The following CR1 variants were observed in gnomAD, a reference collection of about 807,000 sequenced individuals.
CR1 encodes complement receptor type 1.
CR1 carries 116 observed loss-of-function variants against 187.3 expected under a neutral mutation model. That is an observed-to-expected ratio of 0.62 (90% CI 0.53 to 0.72). CR1 has a LOEUF of 0.72. Ranked by LOEUF, CR1 falls within the 30% of genes least tolerant of loss-of-function variation. The pLI, the probability that CR1 is intolerant of heterozygous loss-of-function variation, is 0.00. For synonymous variants in CR1, 576 were observed against 747.1 expected, an observed-to-expected ratio of 0.77 and a Z score of 3.73; for missense variants, 1,731 against 2,110.7, an observed-to-expected ratio of 0.82 and a Z score of 3.52.
chr1:207,619,337 C>T (rs1279849748), intron 42 of CR1, among the ~76,000 whole-genome samples: 1 of 140,380 alleles, frequency 7.1e-6, no homozygotes, highest in African/African-American at 2.7e-5. Context: ...GAGCCCAGAT[C>T]GCGCCACTGC....
intron 40 of CR1, 89 bp from the exon 41 acceptor site, chr1:207,616,486 C>T (rs1365036834): frequency 7.0e-7 from 1 of 1,424,990 alleles, no homozygotes; most frequent in Non-Finnish European, 9.6e-7. Flanking sequence ...AAGTTATATT[C>T]TTTTTAAGCG....
chr1:207,618,485 C>G (rs1662214213), intron 42 of CR1, among the ~76,000 whole-genome samples: 1 of 152,208 alleles, frequency 6.6e-6, no homozygotes, highest in Non-Finnish European at 1.5e-5. Flanking sequence ...TAAAAAGATT[C>G]TCAAACTCCA....
In CR1 at chr1:207,598,278, T is replaced by A. The variant is rs184246746; in HGVS notation, c.5811-8973T>A. 2.2e-3 allele frequency among the ~76,000 whole-genome samples: 340 copies of A among 152,054 alleles called. 1 individual carries two copies. The highest frequency in any genetic ancestry group is 7.8e-3 in the African/African-American group (324 of 41,502). Reference sequence around the variant, plus strand: ...TTTAAAACAATAAGAAAGAAAAAAATTTTTAAATATATCATGTGATATTAG... The same window carrying A: ...TTTAAAACAATAAGAAAGAAAAAAAATTTTAAATATATCATGTGATATTAG... On this transcript the variant is annotated intron_variant, in intron 35 of 46. Coordinates refer to ENST00000367049, the MANE Select transcript of CR1 (RefSeq NM_000651.6).
At chr1:207,607,113 T>A (rs1161967270) in intron 35 of CR1, 138 bp from the exon 36 acceptor site, 3 of 576,836 alleles carry the variant, frequency 5.2e-6, no homozygotes, top group Non-Finnish European at 6.3e-6. Flanking sequence ...CAGATGGAGA[T>A]GGGGTTTCTT....
intron 42 of CR1, among the ~76,000 whole-genome samples, chr1:207,619,327 G>A (rs532614323): frequency 6.3e-5 from 9 of 143,854 alleles, no homozygotes; most frequent in Non-Finnish European, 1.3e-4. Context: ...AGGTTGCTGT[G>A]AGCCCAGATC....
At chr1:207,500,387 A>C (rs1185348225) in intron 1 of CR1, among the ~76,000 whole-genome samples, 1 of 152,214 alleles carries the variant, frequency 6.6e-6, no homozygotes, top group African/African-American at 2.4e-5. Flanking sequence ...TATTCCTTAA[A>C]GGGTAAGTAT....
Position 207,612,047 on chromosome 1 carries a change from T to C in CR1, c.6575+6T>C, listed in dbSNP as rs1179183686. 6.2e-7 allele frequency: 1 copy of C among 1,613,416 alleles called. No homozygotes were observed. The highest frequency in any genetic ancestry group is 1.7e-5 in the Admixed American group (1 of 60,010). ...TCCTTTGTTTGCGATGAAGGGTGAG[T>C]GTGACCCAGCGTTGAGACCAAGGAC... On this transcript the variant is annotated splice_donor_region_variant and intron_variant, in intron 39 of 46. Coordinates refer to ENST00000367049, the MANE Select transcript of CR1 (RefSeq NM_000651.6).
At chr1:207,581,069 AT>A (rs1660920887) in intron 31 of CR1, among the ~76,000 whole-genome samples, 1 of 152,210 alleles carries the variant, frequency 6.6e-6, no homozygotes, top group South Asian at 2.1e-4. Context: ...AGGAAAAACA[AT>A]GGCCGAAATA....
chr1:207,505,230 T>C (rs746121378), intron 1 of CR1, among the ~76,000 whole-genome samples: 3 of 152,208 alleles, frequency 2.0e-5, no homozygotes, highest in Non-Finnish European at 4.4e-5. Context: ...CTTGGCTCAC[T>C]GCAACATCTG....
chr1:207,513,944 G>C (rs1161972840), intron 4 of CR1, among the ~76,000 whole-genome samples: 10 of 152,016 alleles, frequency 6.6e-5, no homozygotes, highest in Non-Finnish European at 1.5e-4. Context: ...TCACCATTAA[G>C]CTGGTGTTTA....
At chr1:207,512,841 G>A (rs1294803244) in intron 4 of CR1, among the ~76,000 whole-genome samples, 1 of 152,124 alleles carries the variant, frequency 6.6e-6, no homozygotes, top group Non-Finnish European at 1.5e-5. Context: ...ACCTATACCT[G>A]TATTTATTTT....
chr1:207,627,747 A>G (rs1212519059), intron 45 of CR1, among the ~76,000 whole-genome samples: 1 of 152,222 alleles, frequency 6.6e-6, no homozygotes, highest in African/African-American at 2.4e-5. Flanking sequence ...CATGTCCCTA[A>G]AAAACATTAT....
At chr1:207,614,520 G>T in intron 40 of CR1, 31 bp downstream of exon 40, 2 of 1,580,954 alleles carry the variant, frequency 1.3e-6, no homozygotes, top group East Asian at 2.3e-5. Context: ...AGTTTGGATA[G>T]CTCTCCTTAT....
At chr1:207,637,654 A>G (rs907182513) in intron 46 of CR1, among the ~76,000 whole-genome samples, 13 of 152,212 alleles carry the variant, frequency 8.5e-5, no homozygotes, top group South Asian at 2.1e-4. Context: ...ATGATACCCA[A>G]TGGAAATATT....
intron 4 of CR1, among the ~76,000 whole-genome samples, chr1:207,513,394 A>C (rs1212280230): frequency 6.6e-6 from 1 of 152,210 alleles, no homozygotes; most frequent in African/African-American, 2.4e-5. Flanking sequence ...ACAGAGAATG[A>C]ACCGTTGCAG....
intron 32 of CR1, 151 bp from the exon 33 acceptor site, chr1:207,584,498 G>T: frequency 1.1e-6 from 1 of 918,476 alleles, no homozygotes; most frequent in Non-Finnish European, 1.6e-6. Context: ...TCTTAGCAGA[G>T]GCCTAATACA....
chr1:207,592,958 G>T (rs1661317062), intron 35 of CR1, among the ~76,000 whole-genome samples: 1 of 151,296 alleles, frequency 6.6e-6, no homozygotes, highest in East Asian at 2.0e-4. Context: ...ACAAACAAAT[G>T]AAAAAAACAT....
rs1335735909 is a variant in CR1 at position 207,612,173 on chromosome 1, A to G, written c.6575+132A>G. ...CAGAGAGATTAATTTATGGAAGGGT[A>G]GTTTTGAAATAAGGGTAGGGACTAA... On this transcript the variant is annotated intron_variant, in intron 39 of 46. Coordinates refer to ENST00000367049, the MANE Select transcript of CR1 (RefSeq NM_000651.6). The G allele has an allele frequency of 6.0e-6, 6 of 1,002,776 alleles. No homozygotes were observed. In the East Asian group the frequency reaches 1.5e-4, roughly 24 times the overall value. The allele number at this position is 1,002,776 out of a possible 1,614,324, so 62.1% of individuals were successfully genotyped here. A position where few individuals can be genotyped will look rare whatever the true frequency, so the allele number is the denominator to read the frequency against.
At chr1:207,622,740 G>A (rs56348576) in intron 44 of CR1, among the ~76,000 whole-genome samples, 2 of 152,282 alleles carry the variant, frequency 1.3e-5, no homozygotes, top group East Asian at 1.9e-4. Context: ...GCCCCATCAC[G>A]GTTCTCACTT....
Sources: gnomAD v4.1 joint callset for allele counts (sites outside exome capture counted in the v4.1 genomes callset) on GRCh38, gnomAD v4.1.1 for gene constraint, MANE v1.5 for transcripts, NCBI Gene and HGNC (gene_info 2026-07-23, HGNC 2026-07-21) for gene names.